SNTB1: variants seen among roughly 807,000 people sequenced by gnomAD.
SNTB1 encodes the protein beta-1-syntrophin.
SNTB1 carries 36 observed loss-of-function variants against 48.9 expected under a neutral mutation model. The ratio of observed to expected loss-of-function variants is 0.74; its 90% CI spans 0.56 to 0.97. The LOEUF is 0.97. SNTB1 is among the 50% of genes least tolerant of loss of function. SNTB1 has a pLI of 0.00. For missense variants in SNTB1, 786 were observed against 703.4 expected, an observed-to-expected ratio of 1.12 and a Z score of -1.33; for synonymous variants, 299 against 294.6, an observed-to-expected ratio of 1.01 and a Z score of -0.15.
intron 1 of SNTB1, among the ~76,000 whole-genome samples, chr8:120,745,808 C>T (rs573649975): frequency 3.9e-5 from 6 of 152,178 alleles, no homozygotes; most frequent in Non-Finnish European, 8.8e-5. Context: ...GACACTCTCT[C>T]TCACCCCAAA....
At chr8:120,629,067 G>A (rs559825153) in intron 3 of SNTB1, among the ~76,000 whole-genome samples, 23 of 152,178 alleles carry the variant, frequency 1.5e-4, no homozygotes, top group Non-Finnish European at 3.2e-4. Context: ...ATGAACTCTC[G>A]CTTCACTTTA....
intron 1 of SNTB1, among the ~76,000 whole-genome samples, chr8:120,764,528 A>C (rs1339832126): frequency 6.6e-6 from 1 of 152,170 alleles, no homozygotes; most frequent in Non-Finnish European, 1.5e-5. Flanking sequence ...ATTACTTTTT[A>C]GTTGTTTTTT....
intron 1 of SNTB1, among the ~76,000 whole-genome samples, chr8:120,807,695 G>C (rs1304155933): frequency 6.6e-6 from 1 of 152,100 alleles, no homozygotes. Context: ...TCCCTTTTGA[G>C]TGGCCCACAC....
chr8:120,734,460 A>AG (rs988665965), intron 1 of SNTB1, among the ~76,000 whole-genome samples: 2 of 151,728 alleles, frequency 1.3e-5, no homozygotes, highest in Non-Finnish European at 2.9e-5. Context: ...AAAAAAAAAA[A>AG]AGCTTTATTT....
intron 4 of SNTB1, among the ~76,000 whole-genome samples, chr8:120,565,594 G>A (rs1451294740): frequency 6.6e-6 from 1 of 152,200 alleles, no homozygotes; most frequent in African/African-American, 2.4e-5. Flanking sequence ...TAAGTGAAAA[G>A]GAAGGGCAGC....
intron 1 of SNTB1, among the ~76,000 whole-genome samples, chr8:120,764,025 A>G (rs1035757696): frequency 6.6e-6 from 1 of 152,232 alleles, no homozygotes; most frequent in African/African-American, 2.4e-5. Context: ...TAATTTGGCA[A>G]TGTTCTCAAA....
intron 1 of SNTB1, among the ~76,000 whole-genome samples, chr8:120,804,697 C>G (rs1369490139): frequency 6.6e-6 from 1 of 152,172 alleles, no homozygotes; most frequent in Non-Finnish European, 1.5e-5. Flanking sequence ...TACCCTCAAT[C>G]TGAAATTAAT....
At position 120,676,065 on chromosome 8, in the gene SNTB1, T is replaced by C. The variant is rs527281087; in HGVS notation, c.788+17627A>G. 3.6e-4 allele frequency among the ~76,000 whole-genome samples: 55 copies of C among 152,348 alleles called. 1 individual carries two copies. In the South Asian group the frequency reaches 0.011, roughly 30 times the overall value. The stretch of plus-strand genomic sequence containing the variant: ...CACTTGCTAAATATTGTTATATACA[T>C]AAGTTCTTTTAACAACTTTCTGAGA... On this transcript the variant is annotated intron_variant, in intron 2 of 6. Transcript: ENST00000517992.
At chr8:120,697,246 G>T (rs1454003090) in intron 1 of SNTB1, among the ~76,000 whole-genome samples, 1 of 152,170 alleles carries the variant, frequency 6.6e-6, no homozygotes, top group Non-Finnish European at 1.5e-5. Flanking sequence ...AAGGACAGAA[G>T]ACATGGCACT....
At chr8:120,551,886 G>C (rs1173399641) in intron 4 of SNTB1, among the ~76,000 whole-genome samples, 2 of 152,058 alleles carry the variant, frequency 1.3e-5, no homozygotes, top group African/African-American at 4.8e-5. Context: ...CATAGGATTA[G>C]GATTAAATAT....
intron 1 of SNTB1, among the ~76,000 whole-genome samples, chr8:120,757,193 C>T (rs1819332819): frequency 6.6e-6 from 1 of 151,404 alleles, no homozygotes; most frequent in African/African-American, 2.5e-5. Flanking sequence ...GTAGGAGAGA[C>T]ACATGAATCA....
chr8:120,680,763 G>A (rs944469106), intron 2 of SNTB1, among the ~76,000 whole-genome samples: 3 of 152,158 alleles, frequency 2.0e-5, no homozygotes, highest in Non-Finnish European at 4.4e-5. Flanking sequence ...TTCAATTAAT[G>A]TATCAAGAAC....
intron 4 of SNTB1, among the ~76,000 whole-genome samples, chr8:120,569,993 C>T (rs1161725878): frequency 2.0e-5 from 3 of 152,146 alleles, no homozygotes; most frequent in Non-Finnish European, 4.4e-5. Context: ...TTCCAGGCTT[C>T]TCCTGGGAGC....
intron 1 of SNTB1, among the ~76,000 whole-genome samples, chr8:120,697,702 G>A (rs1487343584): frequency 2.0e-5 from 3 of 152,138 alleles, no homozygotes; most frequent in South Asian, 4.1e-4. Flanking sequence ...AGGAAACAAC[G>A]TACCATGTGC....
intron 2 of SNTB1, among the ~76,000 whole-genome samples, chr8:120,636,451 T>A (rs1389339023): frequency 7.0e-5 from 9 of 128,418 alleles, no homozygotes; most frequent in Non-Finnish European, 1.5e-4. Context: ...GTCCATGTGA[T>A]CTCATTGTTC....
intron 3 of SNTB1, among the ~76,000 whole-genome samples, chr8:120,577,585 A>C (rs957183564): frequency 2.0e-5 from 3 of 152,226 alleles, no homozygotes; most frequent in African/African-American, 7.2e-5. Context: ...GGACTGGAGA[A>C]GCTACAAATG....
intron 2 of SNTB1, among the ~76,000 whole-genome samples, chr8:120,653,865 C>G (rs1027984843): frequency 1.3e-5 from 2 of 151,262 alleles, no homozygotes; most frequent in Non-Finnish European, 2.9e-5. Context: ...CGGTGAAACC[C>G]CGTCTCTACT....
At chr8:120,794,181 C>T (rs923132587) in intron 1 of SNTB1, among the ~76,000 whole-genome samples, 9 of 151,882 alleles carry the variant, frequency 5.9e-5, no homozygotes, top group Non-Finnish European at 8.8e-5. Context: ...GGAGAGACTT[C>T]GAGAAGTCCT....
At chr8:120,608,697 A>C (rs544714289) in intron 3 of SNTB1, among the ~76,000 whole-genome samples, 1 of 152,326 alleles carries the variant, frequency 6.6e-6, no homozygotes, top group East Asian at 1.9e-4. Flanking sequence ...ATACAATAAA[A>C]GGATAGAGAC....
Sources: gnomAD v4.1 joint callset for allele counts (sites outside exome capture counted in the v4.1 genomes callset) on GRCh38, gnomAD v4.1.1 for gene constraint, MANE v1.5 for transcripts, NCBI Gene and HGNC (gene_info 2026-07-23, HGNC 2026-07-21) for gene names.